The following ANO3 variants were observed in gnomAD, a reference collection of about 807,000 sequenced individuals.
The protein encoded by ANO3 is anoctamin-3.
In ANO3, 99 loss-of-function variants were observed where a neutral mutation model predicts 144.8. The observed-to-expected ratio is 0.68, with a 90% confidence interval of 0.58 to 0.81. The LOEUF (loss-of-function observed/expected upper bound fraction) is 0.81. ANO3 is among the 30% of genes least tolerant of loss of function. The probability of loss-of-function intolerance (pLI) is 0.00; values close to 1 mark genes in which losing one functional copy is unlikely to be tolerated. For synonymous variants in ANO3, 414 were observed against 392.6 expected (o/e 1.05, Z -0.64); for missense variants, 905 against 1,202.2 (o/e 0.75, Z 3.66).
intron 4 of ANO3, among the ~76,000 whole-genome samples, chr11:26,481,094 G>C (rs949287493): frequency 3.3e-5 from 5 of 152,072 alleles, no homozygotes; most frequent in African/African-American, 1.2e-4. Context: ...CCAGCACATA[G>C]TAATTGCACC....
At chr11:26,587,937 CAAAAA>C (rs60752903) in intron 14 of ANO3, among the ~76,000 whole-genome samples, 29 of 116,352 alleles carry the variant, frequency 2.5e-4, no homozygotes, top group Middle Eastern at 4.2e-3. Context: ...AACTCTGTCT[CAAAAA>C]AAAAAAAAAA....
At chr11:26,379,639 A>G (rs1010193105) in intron 1 of ANO3, among the ~76,000 whole-genome samples, 10 of 152,118 alleles carry the variant, frequency 6.6e-5, no homozygotes, top group Admixed American at 3.9e-4. Context: ...AAAAAGAAAA[A>G]AAAATGAACT....
chr11:26,407,064 G>A (rs1365124985), intron 1 of ANO3, among the ~76,000 whole-genome samples: 3,290 of 59,870 alleles, frequency 0.055, 87 homozygotes, highest in Middle Eastern at 0.12. Flanking sequence ...GTGTGTGTGT[G>A]TGTGTGTGTG....
intron 1 of ANO3, among the ~76,000 whole-genome samples, chr11:26,415,469 A>G (rs1405146980): frequency 2.0e-5 from 3 of 152,126 alleles, no homozygotes; most frequent in East Asian, 3.9e-4. Context: ...ATGAAAATGC[A>G]TATTTGAATC....
intron 24 of ANO3, among the ~76,000 whole-genome samples, chr11:26,654,352 C>T (rs1272392125): frequency 6.6e-6 from 1 of 151,626 alleles, no homozygotes; most frequent in Non-Finnish European, 1.5e-5. Flanking sequence ...AGATTTATGC[C>T]CAGATATTTG....
At chr11:26,253,438 A>G (rs1270181334) in intron 1 of ANO3, among the ~76,000 whole-genome samples, 1 of 152,096 alleles carries the variant, frequency 6.6e-6, no homozygotes, top group Non-Finnish European at 1.5e-5. Flanking sequence ...GGATCAGGAA[A>G]AATAACTAAT....
intron 1 of ANO3, among the ~76,000 whole-genome samples, chr11:26,227,838 T>C (rs1852287696): frequency 6.6e-6 from 1 of 152,210 alleles, no homozygotes; most frequent in African/African-American, 2.4e-5. Context: ...ATATATACAA[T>C]AATAAACACT....
intron 14 of ANO3, chr11:26,565,797 C>G: frequency 6.2e-7 from 1 of 1,613,204 alleles, no homozygotes; most frequent in Non-Finnish European, 8.5e-7. Context: ...TTTTCCATGG[C>G]TCCCCGATAG....
upstream of ANO3, among the ~76,000 whole-genome samples, chr11:26,306,125 A>AT (rs57674074): frequency 3.1e-4 from 35 of 112,998 alleles, no homozygotes; most frequent in African/African-American, 5.4e-4. Context: ...AGCCCGGATA[A>AT]TTTTTTTTTT....
chr11:26,594,970 C>T (rs547927311), intron 14 of ANO3, among the ~76,000 whole-genome samples: 3 of 152,100 alleles, frequency 2.0e-5, no homozygotes, highest in South Asian at 2.1e-4. Flanking sequence ...TCTTTCTTAG[C>T]GTATGAGGGT....
At chr11:26,404,880 C>A (rs1857236473) in intron 1 of ANO3, among the ~76,000 whole-genome samples, 2 of 150,574 alleles carry the variant, frequency 1.3e-5, no homozygotes, top group Non-Finnish European at 3.0e-5. Context: ...ATTACTAAAT[C>A]TTGGAAGATT....
chr11:26,618,446 G>T (rs568028834), intron 17 of ANO3, among the ~76,000 whole-genome samples: 15 of 152,170 alleles, frequency 9.9e-5, no homozygotes, highest in African/African-American at 3.6e-4. Context: ...GTTGCAGCAG[G>T]CTTCCTGCTG....
intron 1 of ANO3, among the ~76,000 whole-genome samples, chr11:26,271,311 T>C (rs1014957283): frequency 6.6e-6 from 1 of 152,210 alleles, no homozygotes; most frequent in Non-Finnish European, 1.5e-5. Flanking sequence ...CAGATACATC[T>C]TATGGGAGGT....
At chr11:26,455,877 T>G (rs1397992928) in intron 3 of ANO3, among the ~76,000 whole-genome samples, 1 of 151,524 alleles carries the variant, frequency 6.6e-6, no homozygotes, top group Non-Finnish European at 1.5e-5. Context: ...AAAACAGAGA[T>G]ATAGATCAAT....
chr11:26,189,059 T>C (rs1246133387), exon 1 of ANO3: 2 of 322,038 alleles, frequency 6.2e-6, no homozygotes, highest in African/African-American at 4.5e-5. Context: ...TGAAAATAAT[T>C]ACAGGAAAGC....
At chr11:26,539,403 A>C (rs398314) in intron 10 of ANO3, among the ~76,000 whole-genome samples, 108,067 of 151,978 alleles carry the variant, frequency 0.71, 38,726 homozygotes, top group East Asian at 0.84. Flanking sequence ...AGAATGATGT[A>C]GCTGATTGAG....
At position 26,547,455 on chromosome 11, in the gene ANO3, G is replaced by A. The variant is rs762588765; in HGVS notation, c.1194G>A (p.Trp398Ter). ...FGEKIGLYFA[W>*]LGWYTGMLIP... Reference sequence around the variant, plus strand: ...AGAAGATTGGACTATACTTTGCTTGGCTGGGATGGTATACTGGAATGTTGA... The same window carrying A: ...AGAAGATTGGACTATACTTTGCTTGACTGGGATGGTATACTGGAATGTTGA... The change falls in exon 12 of 27, where the codon TGG becomes TGA. Residue 398 changes from tryptophan to a stop codon, truncating the protein, a stop_gained. Coordinates refer to ENST00000256737, the MANE Select transcript of ANO3 (RefSeq NM_031418.4). LOFTEE classifies it high-confidence loss of function. The A allele has an allele frequency of 6.2e-6, 10 of 1,612,018 alleles. No homozygotes were observed. The highest frequency in any genetic ancestry group is 8.5e-6 in the Non-Finnish European group (10 of 1,178,562).
chr11:26,449,558 A>C (rs1041995748), intron 3 of ANO3, among the ~76,000 whole-genome samples: 13 of 149,720 alleles, frequency 8.7e-5, no homozygotes, highest in Admixed American at 8.0e-4. Flanking sequence ...TATAGAATAC[A>C]CCCTGTTTTT....
chr11:26,558,411 C>G (rs1205067440), intron 13 of ANO3, among the ~76,000 whole-genome samples: 1 of 152,096 alleles, frequency 6.6e-6, no homozygotes, highest in Non-Finnish European at 1.5e-5. Context: ...CCTCAGGTGT[C>G]TCTGTGGGAC....
Sources: allele counts gnomAD v4.1 joint callset (sites outside exome capture counted in the v4.1 genomes callset), GRCh38; gene constraint gnomAD v4.1.1; transcripts MANE v1.5; gene names NCBI Gene and HGNC (gene_info 2026-07-23, HGNC 2026-07-21).